Variants in GSE1 observed in about 807,000 individuals in gnomAD.
GSE1 encodes genetic suppressor element 1.
GSE1 carries 32 observed loss-of-function variants against 112.6 expected under a neutral mutation model. The observed-to-expected ratio is 0.28, with a 90% CI of 0.21 to 0.38. The LOEUF is 0.38. GSE1 is among the 10% of genes least tolerant of loss of function. The probability of loss-of-function intolerance (pLI) is 1.00; values close to 1 mark genes in which losing one functional copy is unlikely to be tolerated. For missense variants in GSE1, 2,348 were observed against 1,699.2 expected (o/e 1.38, Z -6.71); for synonymous variants, 1,115 against 735.6 (o/e 1.52, Z -8.35).
At chr16:85,520,381 A>C (rs573336677) in intron 2 of GSE1, among the ~76,000 whole-genome samples, 1 of 152,104 alleles carries the variant, frequency 6.6e-6, no homozygotes, top group African/African-American at 2.4e-5. Flanking sequence ...CAGACCCCTG[A>C]GAGAAGACAT....
chr16:85,228,548 A>G (rs528799496), intron 1 of GSE1, among the ~76,000 whole-genome samples: 2 of 152,322 alleles, frequency 1.3e-5, no homozygotes, highest in Admixed American at 6.5e-5. Flanking sequence ...AAATGGGAAT[A>G]ATAATATCGC....
intron 2 of GSE1, among the ~76,000 whole-genome samples, chr16:85,472,053 C>T (rs571533772): frequency 2.6e-5 from 4 of 152,330 alleles, no homozygotes; most frequent in South Asian, 2.1e-4. Flanking sequence ...CCTCTGCTCA[C>T]GAGATACCAG....
At chr16:85,615,753 C>G (rs184343942) in intron 1 of GSE1, among the ~76,000 whole-genome samples, 5 of 152,322 alleles carry the variant, frequency 3.3e-5, no homozygotes, top group Admixed American at 3.3e-4. Context: ...GGGGCTTGTA[C>G]ATCTCCAAAC....
chr16:85,467,191 G>T (rs1038984756), intron 2 of GSE1, among the ~76,000 whole-genome samples: 11 of 152,228 alleles, frequency 7.2e-5, no homozygotes, highest in African/African-American at 2.7e-4. Context: ...ACCCTTGCCT[G>T]ACTGAACCAT....
At chr16:85,328,251 G>T (rs980361274) in intron 1 of GSE1, among the ~76,000 whole-genome samples, 1 of 152,220 alleles carries the variant, frequency 6.6e-6, no homozygotes, top group African/African-American at 2.4e-5. Flanking sequence ...CCCAGACGGG[G>T]CGAAAGGGCC....
intron 2 of GSE1, among the ~76,000 whole-genome samples, chr16:85,424,591 C>T (rs1313480988): frequency 1.3e-5 from 2 of 152,238 alleles, no homozygotes; most frequent in Non-Finnish European, 2.9e-5. Flanking sequence ...TCCTTCTCTC[C>T]CAGCCCGCCA....
Position 85,665,014 on chromosome 16 carries a change from G to A in GSE1, c.2645-1G>A. On this transcript the variant is annotated splice_acceptor_variant, in intron 11 of 15. Coordinates refer to ENST00000253458, the MANE Select transcript of GSE1 (RefSeq NM_014615.5). LOFTEE classifies it high-confidence loss of function. ...TTAATCTCAGGCTGCTTTTCTCATA[G>A]ACAAAGAGAGACTTGTTGAAATGCT... The A allele has an allele frequency of 1.3e-6, 2 of 1,588,260 alleles. No individual in the cohort carries two copies. Among genetic ancestry groups the A allele is most frequent in the Non-Finnish European group, 1.7e-6 (2 of 1,156,752 alleles).
intron 2 of GSE1, among the ~76,000 whole-genome samples, chr16:85,529,306 A>G (rs2052470499): frequency 6.6e-6 from 1 of 152,224 alleles, no homozygotes; most frequent in Non-Finnish European, 1.5e-5. Context: ...CCCAGGAGAC[A>G]GGGGCAGAGT....
rs202163529 is a variant in GSE1, at chr16:85,656,326, C to T, written c.990-17C>T. The T allele has an allele frequency of 2.1e-5, 34 of 1,610,068 alleles. No homozygotes were observed. Among genetic ancestry groups the T allele is most frequent in the East Asian group, 4.5e-5 (2 of 44,812 alleles). On this transcript the variant is annotated splice_polypyrimidine_tract_variant and intron_variant, in intron 6 of 15. Transcript: ENST00000253458. ...TCCTGGTGCAGCAGAGCCCCCAACTCTTTCCATGTGCTGCAGGCTGCAGAT... is the reference window on the plus strand; with the variant it reads ...TCCTGGTGCAGCAGAGCCCCCAACTTTTTCCATGTGCTGCAGGCTGCAGAT...
chr16:85,265,402 C>G (rs917912521), intron 1 of GSE1, among the ~76,000 whole-genome samples: 8 of 152,216 alleles, frequency 5.3e-5, no homozygotes, highest in African/African-American at 1.9e-4. Flanking sequence ...TGTCCTCCCC[C>G]TGTTGAGTCT....
intron 6 of GSE1, 111 bp from the exon 7 acceptor site, chr16:85,656,232 G>C (rs1451829764): frequency 2.9e-6 from 4 of 1,357,106 alleles, no homozygotes; most frequent in Non-Finnish European, 4.0e-6. Context: ...TCCCGTCACT[G>C]TTCAGATTAG....
At position 85,654,779 on chromosome 16, in the gene GSE1, T is replaced by A; in HGVS notation, c.600-15T>A. The A allele has an allele frequency of 6.3e-7, 1 of 1,590,034 alleles. No individual in the cohort carries two copies. Among genetic ancestry groups the A allele is most frequent in the Middle Eastern group, 1.7e-4 (1 of 6,030 alleles). On this transcript the variant is annotated splice_polypyrimidine_tract_variant and intron_variant, in intron 4 of 15. Transcript: ENST00000253458. ...ACTCACCTGTCCCCACCTTGCCCACTATCCCCGCCTGCAGCCTCCAGCGGC... is the reference window on the plus strand; with the variant it reads ...ACTCACCTGTCCCCACCTTGCCCACAATCCCCGCCTGCAGCCTCCAGCGGC...
rs1218546504 is a variant in GSE1 at position 85,661,507 on chromosome 16, C to T, written c.2002C>T (p.Leu668=). The change falls in exon 9 of 16, where the codon CTG becomes TTG. Residue 668 remains leucine, a synonymous_variant. Coordinates refer to ENST00000253458, the MANE Select transcript of GSE1 (RefSeq NM_014615.5). ...EGGSLEHQPF[L]PGPGPFLAEL... is the part of the protein sequence containing the mutation. Reference sequence around the variant, plus strand: ...AGGGAGCCTGGAGCACCAGCCCTTCCTGCCCGGGCCCGGGCCCTTCCTGGC... The same window carrying T: ...AGGGAGCCTGGAGCACCAGCCCTTCTTGCCCGGGCCCGGGCCCTTCCTGGC... 17 of 1,611,586 alleles carry T rather than the reference C, an allele frequency of 1.1e-5. No homozygotes were observed. The highest frequency in any genetic ancestry group is 3.3e-5 in the Admixed American group (2 of 59,976).
intron 1 of GSE1, among the ~76,000 whole-genome samples, chr16:85,604,971 C>T: frequency 6.9e-6 from 1 of 143,994 alleles, no homozygotes; most frequent in African/African-American, 2.6e-5. Context: ...GCGCCCTCCA[C>T]CACGCCCGGC....
chr16:85,530,177 T>C (rs911764287), intron 2 of GSE1, among the ~76,000 whole-genome samples: 2 of 152,222 alleles, frequency 1.3e-5, no homozygotes, highest in Non-Finnish European at 2.9e-5. Context: ...GCCGTCTGCC[T>C]TGGCTCCCTG....
At chr16:85,280,036 T>TGC (rs1335927239) in intron 1 of GSE1, among the ~76,000 whole-genome samples, 2 of 152,190 alleles carry the variant, frequency 1.3e-5, no homozygotes, top group Non-Finnish European at 2.9e-5. Flanking sequence ...AGTTCTCCTT[T>TGC]CACCCAAAGG....
chr16:85,613,452 A>C (rs935875963), intron 1 of GSE1, 54 bp downstream of exon 1: 3 of 1,476,718 alleles, frequency 2.0e-6, no homozygotes, highest in Non-Finnish European at 1.8e-6. Context: ...CCCCCACCGC[A>C]CTGTCCTCCT....
intron 8 of GSE1, among the ~76,000 whole-genome samples, chr16:85,657,836 A>G (rs116451080): frequency 0.013 from 2,040 of 152,298 alleles, 45 homozygotes; most frequent in African/African-American, 0.047. Flanking sequence ...AAAGAGACCA[A>G]TCAAGTCCAT....
At chr16:85,192,882 A>G (rs994016411) in intron 1 of GSE1, among the ~76,000 whole-genome samples, 2 of 151,974 alleles carry the variant, frequency 1.3e-5, no homozygotes, top group African/African-American at 4.8e-5. Flanking sequence ...AGAAGGGGGG[A>G]TTTGTGTAAA....
Sources: gnomAD v4.1 joint callset for allele counts (sites outside exome capture counted in the v4.1 genomes callset) on GRCh38, gnomAD v4.1.1 for gene constraint, MANE v1.5 for transcripts, NCBI Gene and HGNC (gene_info 2026-07-23, HGNC 2026-07-21) for gene names.